PALS1: variants seen among roughly 807,000 people sequenced by gnomAD.
PALS1 encodes the protein protein associated with LIN7 1, MAGUK p55 family member.
Under a neutral mutation model 78.9 loss-of-function variants are expected in PALS1, and 31 were observed. The observed-to-expected ratio is 0.39, with a 90% CI of 0.30 to 0.53. The LOEUF is 0.53. Ranked by LOEUF, PALS1 falls within the 20% of genes least tolerant of loss-of-function variation. PALS1 has a pLI of 0.67. For synonymous variants in PALS1, 276 were observed against 270.9 expected (o/e 1.02, Z -0.18); for missense variants, 704 against 826.5 (o/e 0.85, Z 1.82).
chr14:67,282,569 A>G (rs1287930905), intron 3 of PALS1, among the ~76,000 whole-genome samples: 2 of 152,194 alleles, frequency 1.3e-5, no homozygotes, highest in East Asian at 3.8e-4. Flanking sequence ...TGGAATTGAT[A>G]GAAAATACTC....
In PALS1 at chr14:67,331,270, C is replaced by G. The variant is rs146819643; in HGVS notation, c.1852-1510C>G. On this transcript the variant is annotated intron_variant, in intron 14 of 14. Coordinates refer to ENST00000261681, the MANE Select transcript of PALS1 (RefSeq NM_022474.4). The stretch of plus-strand genomic sequence containing the variant: ...CTGTTGGCCAGGCTGGTCTCAAGCT[C>G]CCGGCCCCATGTGATCCACCTACCT... Among the ~76,000 whole-genome samples, 2 of 152,154 alleles carry G rather than the reference C, an allele frequency of 1.3e-5. 1 individual carries two copies. Among genetic ancestry groups the G allele is most frequent in the Middle Eastern group, 6.3e-3 (2 of 316 alleles).
intron 2 of PALS1, among the ~76,000 whole-genome samples, chr14:67,273,022 AG>A (rs2084433333): frequency 6.7e-6 from 1 of 148,908 alleles, no homozygotes; most frequent in Non-Finnish European, 1.5e-5. Flanking sequence ...TCACTGTCCT[AG>A]TTGAGGACCG....
intron 3 of PALS1, among the ~76,000 whole-genome samples, chr14:67,287,636 C>T (rs188381588): frequency 6.6e-6 from 1 of 152,298 alleles, no homozygotes; most frequent in East Asian, 1.9e-4. Flanking sequence ...CAGAAGGCAG[C>T]TTTGGCAGTA....
At chr14:67,259,469 G>A (rs915540704) in intron 1 of PALS1, among the ~76,000 whole-genome samples, 3 of 152,018 alleles carry the variant, frequency 2.0e-5, no homozygotes, top group African/African-American at 2.4e-5. Flanking sequence ...AAAATCAGCC[G>A]GGTGTAGTGT....
intron 8 of PALS1, among the ~76,000 whole-genome samples, chr14:67,305,034 C>CA (rs2084980171): frequency 6.6e-6 from 1 of 152,092 alleles, no homozygotes; most frequent in African/African-American, 2.4e-5. Flanking sequence ...TTTATGTTTA[C>CA]AGTTTTTTTG....
At chr14:67,276,174 TTTAATTATTC>T (rs999488300) in intron 2 of PALS1, among the ~76,000 whole-genome samples, 1 of 149,720 alleles carries the variant, frequency 6.7e-6, no homozygotes, top group Non-Finnish European at 1.5e-5. Flanking sequence ...CTTAAAATGT[TTTAATTATTC>T]TTACTATTTT....
chr14:67,282,263 T>C (rs763407205), intron 3 of PALS1, among the ~76,000 whole-genome samples: 137 of 152,256 alleles, frequency 9.0e-4, no homozygotes, highest in Non-Finnish European at 1.8e-3. Flanking sequence ...TCCCTGAACA[T>C]TGTGTGTGTC....
intron 1 of PALS1, among the ~76,000 whole-genome samples, chr14:67,244,714 A>G (rs1595555589): frequency 6.6e-6 from 1 of 152,152 alleles, no homozygotes; most frequent in African/African-American, 2.4e-5. Flanking sequence ...TCTTAAGTAG[A>G]TGGAATATGG....
At chr14:67,317,960 TC>T (rs2085203593) in intron 11 of PALS1, among the ~76,000 whole-genome samples, 1 of 152,218 alleles carries the variant, frequency 6.6e-6, no homozygotes, top group Non-Finnish European at 1.5e-5. Context: ...GGGCTAGTAT[TC>T]CTAGGTGACA....
At position 67,273,867 on chromosome 14, in the gene PALS1, G is replaced by A. The variant is rs887284498; in HGVS notation, c.-154+4084G>A. 2.0e-5 allele frequency among the ~76,000 whole-genome samples: 3 copies of A among 152,164 alleles called. No individual in the cohort carries two copies. The East Asian group carries it at 5.8e-4, about 29-fold the overall frequency. ...TGGTTTTGTTTTGCATTTCTTTGAT[G>A]ACCAGTGATAATGAGCATTTTTTCA... On this transcript the variant is annotated intron_variant, in intron 2 of 14. Transcript: ENST00000261681.
At chr14:67,303,716 T>G (rs2084961429) in intron 8 of PALS1, 117 bp downstream of exon 8, 1 of 723,144 alleles carries the variant, frequency 1.4e-6, no homozygotes, top group African/African-American at 1.8e-5. Flanking sequence ...TCAATCATTT[T>G]TATTTAAATA....
Position 67,266,732 on chromosome 14 carries a change from T to C in PALS1, c.-236-2969T>C, listed in dbSNP as rs561033240. The stretch of plus-strand genomic sequence containing the variant: ...GGAAACTTAAATTCATACAAGAAGT[T>C]ACACAGTTATCAAGTAAATAGAGTC... On this transcript the variant is annotated intron_variant, in intron 1 of 14. Transcript: ENST00000261681. Among the ~76,000 whole-genome samples the C allele has an allele frequency of 1.4e-4, 21 of 152,324 alleles. No homozygotes were observed. In the South Asian group the frequency reaches 3.5e-3, roughly 26 times the overall value.
intron 3 of PALS1, among the ~76,000 whole-genome samples, chr14:67,286,870 A>AG (rs1163368616): frequency 4.6e-5 from 7 of 151,042 alleles, no homozygotes; most frequent in Middle Eastern, 3.4e-3. Context: ...AAAAAAAAAA[A>AG]AAAAGAAAAA....
At position 67,333,536 on chromosome 14, in the gene PALS1, T is replaced by C. The variant is rs1023599295; in HGVS notation, c.*580T>C. On this transcript the variant is annotated 3_prime_UTR_variant, in exon 15 of 15. Coordinates refer to ENST00000261681, the MANE Select transcript of PALS1 (RefSeq NM_022474.4). The stretch of plus-strand genomic sequence containing the variant: ...ACTTTGTTAGGCTTGAATTCATTTA[T>C]ATGTCTTTTGATTCTTAAAAAAACA... The C allele has an allele frequency of 2.0e-5, 3 of 152,692 alleles. No individual in the cohort carries two copies. The highest frequency in any genetic ancestry group is 2.9e-5 in the Non-Finnish European group (2 of 68,062). The allele number at this position is 152,692 out of a possible 1,614,324, so 9.5% of individuals were successfully genotyped here.
At chr14:67,329,553 G>A (rs1033487100) in intron 14 of PALS1, among the ~76,000 whole-genome samples, 19 of 152,230 alleles carry the variant, frequency 1.2e-4, no homozygotes, top group African/African-American at 4.1e-4. Context: ...CCTGTCTTGC[G>A]CCAGTTTTCA....
chr14:67,253,290 G>A (rs1410390697), intron 1 of PALS1, among the ~76,000 whole-genome samples: 5 of 152,244 alleles, frequency 3.3e-5, no homozygotes, highest in Non-Finnish European at 7.3e-5. Context: ...TTAGATAAGA[G>A]ATAGGAGTTG....
intron 6 of PALS1, 129 bp from the exon 7 acceptor site, chr14:67,302,281 G>A: frequency 9.5e-7 from 1 of 1,057,100 alleles, no homozygotes; most frequent in Non-Finnish European, 1.3e-6. Flanking sequence ...CTCTAGTTGT[G>A]TAAATAAATT....
At chr14:67,296,677 GTAAATATTT>G (rs770808959) in intron 4 of PALS1, among the ~76,000 whole-genome samples, 30 of 150,316 alleles carry the variant, frequency 2.0e-4, no homozygotes, top group African/African-American at 2.0e-4. Flanking sequence ...GATTACTTTG[GTAAATATTT>G]TAAATATTTT....
Position 67,279,227 on chromosome 14 carries a change from A to T in PALS1, c.57A>T (p.Lys19Asn). The change falls in exon 3 of 15, where the codon AAA becomes AAT. Residue 19 changes from lysine (K) to asparagine (N), a missense_variant. Coordinates refer to ENST00000261681, the MANE Select transcript of PALS1 (RefSeq NM_022474.4). ...HVTEESDSEV[K>N]NVDLASPEEH... The stretch of plus-strand genomic sequence containing the variant: ...CAGAGGAATCAGACAGCGAAGTAAA[A>T]AATGTTGATCTTGCATCACCAGAGG... 1.2e-6 allele frequency: 2 copies of T among 1,612,746 alleles called. No individual in the cohort carries two copies. Among genetic ancestry groups the T allele is most frequent in the Non-Finnish European group, 1.7e-6 (2 of 1,179,598 alleles).
Sources: gnomAD v4.1 joint callset for allele counts (sites outside exome capture counted in the v4.1 genomes callset) on GRCh38, gnomAD v4.1.1 for gene constraint, MANE v1.5 for transcripts, NCBI Gene and HGNC (gene_info 2026-07-23, HGNC 2026-07-21) for gene names.